The following TICAM2 variants were observed in gnomAD, a reference collection of about 807,000 sequenced individuals.
TICAM2 encodes the protein TIR domain containing adaptor molecule 2.
In TICAM2, 8 loss-of-function variants were observed where a neutral mutation model predicts 7.3. The ratio of observed to expected loss-of-function variants is 1.10; its 90% CI spans 0.65 to 1.99. TICAM2 has a LOEUF of 1.99. Among genes scored for constraint, TICAM2 ranks in the 30% most tolerant of loss-of-function variants. The pLI is 0.00. For synonymous variants in TICAM2, 113 were observed against 99.6 expected, an observed-to-expected ratio of 1.13 and a Z score of -0.80; for missense variants, 304 against 278.8, an observed-to-expected ratio of 1.09 and a Z score of -0.65.
rs987300321 is a variant in TICAM2 at position 115,599,473 on chromosome 5, G to T, written c.-60+2624C>A. ...AAACTGTCCATCTTATCAAAATTAG[G>T]CTCAAAAGAAAAATGGTTGTGCATT... On this transcript the variant is annotated intron_variant, in intron 1 of 1. Transcript: ENST00000427199. 7.9e-5 allele frequency among the ~76,000 whole-genome samples: 12 copies of T among 152,058 alleles called. No homozygotes were observed. The South Asian group carries it at 1.5e-3, about 18-fold the overall frequency.
chr5:115,589,178 T>C (rs1755216214), intron 1 of TICAM2, among the ~76,000 whole-genome samples: 2 of 152,210 alleles, frequency 1.3e-5, no homozygotes, highest in Admixed American at 1.3e-4. Flanking sequence ...GAGTTGAGTA[T>C]TGCAACAGAA....
At chr5:115,588,127 C>T (rs776475977) in intron 1 of TICAM2, among the ~76,000 whole-genome samples, 3 of 152,136 alleles carry the variant, frequency 2.0e-5, no homozygotes, top group Non-Finnish European at 4.4e-5. Flanking sequence ...GGCCAATACT[C>T]ATAACTAAAT....
intron 1 of TICAM2, among the ~76,000 whole-genome samples, chr5:115,593,073 G>A (rs919258779): frequency 4.6e-5 from 7 of 152,164 alleles, no homozygotes; most frequent in African/African-American, 1.7e-4. Context: ...AACCCAGGAG[G>A]CGGAGGTTGC....
intron 1 of TICAM2, among the ~76,000 whole-genome samples, chr5:115,595,799 A>G (rs1755489451): frequency 6.6e-6 from 1 of 152,176 alleles, no homozygotes; most frequent in Non-Finnish European, 1.5e-5. Context: ...GCTCCATCTT[A>G]GAATGTACCC....
intron 1 of TICAM2, among the ~76,000 whole-genome samples, chr5:115,593,283 T>A (rs933172296): frequency 6.6e-6 from 1 of 152,140 alleles, no homozygotes; most frequent in Admixed American, 6.5e-5. Flanking sequence ...CCAAAAATTT[T>A]AAAAATTACC....
chr5:115,584,888 C>G (rs1755048809), intron 1 of TICAM2, among the ~76,000 whole-genome samples: 1 of 151,824 alleles, frequency 6.6e-6, no homozygotes, highest in African/African-American at 2.4e-5. Context: ...GTAGAATTCT[C>G]TATATTAAAC....
At chr5:115,601,424 G>C (rs1580424220) in intron 1 of TICAM2, among the ~76,000 whole-genome samples, 1 of 152,096 alleles carries the variant, frequency 6.6e-6, no homozygotes, top group Admixed American at 6.5e-5. Context: ...TAAACACTTG[G>C]AGAAGGACAA....
chr5:115,601,124 TC>T (rs1755717297), intron 1 of TICAM2, among the ~76,000 whole-genome samples: 1 of 151,340 alleles, frequency 6.6e-6, no homozygotes, highest in African/African-American at 2.4e-5. Flanking sequence ...GTTGCTTAAC[TC>T]CATTTATAAC....
At chr5:115,598,191 T>C (rs989749114) in intron 1 of TICAM2, among the ~76,000 whole-genome samples, 3 of 152,224 alleles carry the variant, frequency 2.0e-5, no homozygotes, top group Non-Finnish European at 4.4e-5. Context: ...TTATGTTGAT[T>C]TGATTTCCAT....
Position 115,581,073 on chromosome 5 carries a change from C to G in TICAM2, c.184G>C (p.Ala62Pro), listed in dbSNP as rs1311617375. The G allele has an allele frequency of 6.2e-7, 1 of 1,614,186 alleles. No individual in the cohort carries two copies. Among genetic ancestry groups the G allele is most frequent in the East Asian group, 2.2e-5 (1 of 44,880 alleles). Reference protein sequence around the residue: ...TEGPTGKQEGAQSVEEMFEEE... With the variant: ...TEGPTGKQEGPQSVEEMFEEE... ...TCAAACATCTCTTCCACGCTCTGAG[C>G]TCCCTCCTGCTTTCCTGTTGGCCCC... The change falls in exon 2 of 2, where the codon GCT becomes CCT. Residue 62 changes from alanine (A) to proline (P), a missense_variant. Coordinates refer to ENST00000427199, the MANE Select transcript of TICAM2 (RefSeq NM_021649.7).
chr5:115,593,975 T>A (rs959709232), intron 1 of TICAM2, among the ~76,000 whole-genome samples: 14 of 152,224 alleles, frequency 9.2e-5, no homozygotes, highest in African/African-American at 3.4e-4. Flanking sequence ...TTGATTGTTT[T>A]TTTATTTATT....
intron 1 of TICAM2, among the ~76,000 whole-genome samples, chr5:115,596,563 T>C (rs767802097): frequency 6.6e-6 from 1 of 152,134 alleles, no homozygotes; most frequent in Non-Finnish European, 1.5e-5. Context: ...GGAAAGGCCA[T>C]GAAGGAAAGG....
rs547677043 is a variant in TICAM2, at chr5:115,598,064, T to C, written c.-60+4033A>G. Among the ~76,000 whole-genome samples, 147 of 152,350 alleles carry C rather than the reference T, an allele frequency of 9.6e-4. 1 individual carries two copies. In the South Asian group the frequency reaches 0.03, roughly 31 times the overall value. ...ATATATACACATACATGTTCACCTTTTGAACAATGATCACACAGTCTGAAA... is the reference window on the plus strand; with the variant it reads ...ATATATACACATACATGTTCACCTTCTGAACAATGATCACACAGTCTGAAA... On this transcript the variant is annotated intron_variant, in intron 1 of 1. Transcript: ENST00000427199.
intron 1 of TICAM2, among the ~76,000 whole-genome samples, chr5:115,596,747 G>A (rs535919058): frequency 3.9e-5 from 6 of 152,202 alleles, no homozygotes; most frequent in East Asian, 3.9e-4. Flanking sequence ...GTGAAACCCC[G>A]TCTCTACTAA....
chr5:115,598,193 G>C (rs1191933829), intron 1 of TICAM2, among the ~76,000 whole-genome samples: 1 of 152,044 alleles, frequency 6.6e-6, no homozygotes, highest in Non-Finnish European at 1.5e-5. Flanking sequence ...ATGTTGATTT[G>C]ATTTCCATCT....
At position 115,580,429 on chromosome 5, in the gene TICAM2, A is replaced by G; in HGVS notation, c.*120T>C. The G allele has an allele frequency of 8.0e-7, 1 of 1,251,000 alleles. No homozygotes were observed. The highest frequency in any genetic ancestry group is 1.0e-6 in the Non-Finnish European group (1 of 958,928). The allele number at this position is 1,251,000 out of a possible 1,614,324, so 77.5% of individuals were successfully genotyped here. A position where few individuals can be genotyped will look rare whatever the true frequency, so the allele number is the denominator to read the frequency against. ...GAAATTTATCTTTCTTGTGCTCCAT[A>G]GGTTTCTTTAAGGTGAAGACTCTCT... On this transcript the variant is annotated 3_prime_UTR_variant, in exon 2 of 2. Transcript: ENST00000427199.
At chr5:115,588,911 G>A (rs1225163630) in intron 1 of TICAM2, among the ~76,000 whole-genome samples, 1 of 152,118 alleles carries the variant, frequency 6.6e-6, no homozygotes, top group Non-Finnish European at 1.5e-5. Context: ...GGCTTTGAGA[G>A]GTGTTTCTAG....
chr5:115,590,518 A>G (rs1442679894), intron 1 of TICAM2, among the ~76,000 whole-genome samples: 1 of 152,200 alleles, frequency 6.6e-6, no homozygotes, highest in Admixed American at 6.5e-5. Context: ...ATTAATGTAC[A>G]TTTTCTAAAT....
At chr5:115,589,656 TAG>T (rs1339846221) in intron 1 of TICAM2, among the ~76,000 whole-genome samples, 9 of 152,240 alleles carry the variant, frequency 5.9e-5, no homozygotes, top group Non-Finnish European at 8.8e-5. Flanking sequence ...TTAGAAAGGT[TAG>T]AGTTATGGGA....
Sources: allele counts gnomAD v4.1 joint callset (sites outside exome capture counted in the v4.1 genomes callset), GRCh38; gene constraint gnomAD v4.1.1; transcripts MANE v1.5; gene names NCBI Gene and HGNC (gene_info 2026-07-23, HGNC 2026-07-21).